The following SZRD1 variants were observed in gnomAD, a reference collection of about 807,000 sequenced individuals.
SZRD1 encodes the protein SUZ RNA binding domain containing 1.
SZRD1 carries 7 observed loss-of-function variants against 17.6 expected under a neutral mutation model. The observed-to-expected ratio is 0.40, with a 90% confidence interval of 0.23 to 0.75. The LOEUF is 0.75. SZRD1 is among the 30% of genes least tolerant of loss of function. The pLI is 0.38. For missense variants in SZRD1, 178 were observed against 201.8 expected (o/e 0.88, Z 0.71); for synonymous variants, 77 against 77.9 (o/e 0.99, Z 0.06).
chr1:16,389,619 G>A (rs1361673120), intron 1 of SZRD1, among the ~76,000 whole-genome samples: 1 of 147,332 alleles, frequency 6.8e-6, no homozygotes, highest in African/African-American at 2.5e-5. Context: ...CCAATTTTTT[G>A]TATTTTTATT....
chr1:16,389,843 C>T (rs551620703), intron 1 of SZRD1, among the ~76,000 whole-genome samples: 15 of 152,380 alleles, frequency 9.8e-5, no homozygotes, highest in African/African-American at 2.6e-4. Context: ...CTCCACACTA[C>T]GGCTGTGGTT....
chr1:16,389,046 G>C (rs2085175991), intron 1 of SZRD1, among the ~76,000 whole-genome samples: 1 of 146,852 alleles, frequency 6.8e-6, no homozygotes, highest in Non-Finnish European at 1.5e-5. Context: ...CTTGAACTTT[G>C]AACTGCACCC....
At chr1:16,377,548 G>T (rs931055876) in intron 1 of SZRD1, among the ~76,000 whole-genome samples, 3 of 133,676 alleles carry the variant, frequency 2.2e-5, no homozygotes, top group African/African-American at 8.3e-5. Context: ...TCATGACAGA[G>T]ACAGACTCTG....
chr1:16,377,315 G>A (rs2083021368), intron 1 of SZRD1, among the ~76,000 whole-genome samples: 1 of 152,124 alleles, frequency 6.6e-6, no homozygotes, highest in Admixed American at 6.6e-5. Context: ...AGCAAGAGTG[G>A]CTTACACCTG....
chr1:16,382,379 G>T (rs1397507917), intron 1 of SZRD1, among the ~76,000 whole-genome samples: 1 of 151,840 alleles, frequency 6.6e-6, no homozygotes, highest in Non-Finnish European at 1.5e-5. Flanking sequence ...GTAGAAATAG[G>T]GTTTCACCAT....
Position 16,393,169 on chromosome 1 carries a change from T to C in SZRD1, c.102-59T>C, listed in dbSNP as rs1198587483. 1.3e-6 allele frequency: 2 copies of C among 1,587,806 alleles called. No homozygotes were observed. Among genetic ancestry groups the C allele is most frequent in the African/African-American group, 2.7e-5 (2 of 74,536 alleles). On this transcript the variant is annotated intron_variant, in intron 2 of 3. Coordinates refer to ENST00000401088, the MANE Select transcript of SZRD1 (RefSeq NM_001114600.3). The surrounding 1 kb of genome is among the most constrained non-coding windows in gnomAD (Gnocchi z 5.6). ...AGTGATGAGAGGTGGGTGTGGGACA[T>C]GGACAGGGCCTCCTTAGTCAGGAGC...
At position 16,395,477 on chromosome 1, in the gene SZRD1, C is replaced by G. The variant is rs2085295887; in HGVS notation, c.*337C>G. The G allele has an allele frequency of 9.3e-6, 3 of 321,384 alleles. No homozygotes were observed. The South Asian group carries it at 1.1e-4, about 12-fold the overall frequency. 19.9% of individuals were successfully genotyped at this position (321,384 alleles called of 1,614,324 possible). ...TTGGCCACTTGGGGTAAAGCCAGTG[C>G]CAGCAATAACAGTTTATCATGCTCA... is the stretch of plus-strand genomic sequence containing the variant. On this transcript the variant is annotated 3_prime_UTR_variant, in exon 4 of 4. Coordinates refer to ENST00000401088, the MANE Select transcript of SZRD1 (RefSeq NM_001114600.3).
At chr1:16,367,878 A>G (rs901328629) in intron 1 of SZRD1, 1 of 152,388 alleles carries the variant, frequency 6.6e-6, no homozygotes, top group African/African-American at 2.4e-5. Flanking sequence ...CTTTTACTCC[A>G]AGAAGAGTTT....
intron 1 of SZRD1, among the ~76,000 whole-genome samples, chr1:16,383,250 A>T: frequency 1.5e-5 from 2 of 135,598 alleles, no homozygotes; most frequent in Admixed American, 8.2e-5. Context: ...GTGGGGCCCC[A>T]CTCTGTCATG....
chr1:16,368,949 G>A (rs2082866044), intron 1 of SZRD1, among the ~76,000 whole-genome samples: 1 of 152,144 alleles, frequency 6.6e-6, no homozygotes. Flanking sequence ...AGCAGAAATT[G>A]GGGCTTACTT....
At chr1:16,371,399 C>T (rs1569992674) in intron 1 of SZRD1, among the ~76,000 whole-genome samples, 1 of 150,536 alleles carries the variant, frequency 6.6e-6, no homozygotes, top group East Asian at 2.0e-4. Context: ...CTCCCCTCCC[C>T]TCCCTCTGCT....
At chr1:16,371,460 T>TC (rs1002057797) in intron 1 of SZRD1, among the ~76,000 whole-genome samples, 3 of 134,660 alleles carry the variant, frequency 2.2e-5, no homozygotes, top group Non-Finnish European at 4.8e-5. Context: ...TTTTTTTTTT[T>TC]CCCCTTTTTT....
intron 1 of SZRD1, among the ~76,000 whole-genome samples, chr1:16,371,628 A>AT (rs1319200716): frequency 1.3e-5 from 2 of 148,918 alleles, no homozygotes; most frequent in East Asian, 2.0e-4. Context: ...CGCCTGGCTA[A>AT]TTTTTTGTAT....
intron 1 of SZRD1, among the ~76,000 whole-genome samples, chr1:16,383,006 C>A (rs1442096864): frequency 6.6e-6 from 1 of 151,968 alleles, no homozygotes; most frequent in Non-Finnish European, 1.5e-5. Flanking sequence ...GCTGGAATTA[C>A]AGGTGCCCGC....
intron 1 of SZRD1, among the ~76,000 whole-genome samples, chr1:16,371,428 C>T (rs113719246): frequency 0.13 from 19,503 of 148,200 alleles, 1,566 homozygotes; most frequent in African/African-American, 0.2. Context: ...TCTGCTCCCC[C>T]CTCTCCCTTC....
chr1:16,397,659 T>C lies in SZRD1; in HGVS notation c.*2519T>C, dbSNP rs2085335079. The C allele has an allele frequency of 6.6e-6, 1 of 152,380 alleles. No individual in the cohort carries two copies. The highest frequency in any genetic ancestry group is 2.4e-5 in the African/African-American group (1 of 41,436). 9.4% of individuals were successfully genotyped at this position (152,380 alleles called of 1,614,324 possible). On this transcript the variant is annotated 3_prime_UTR_variant, in exon 4 of 4. Coordinates refer to ENST00000401088, the MANE Select transcript of SZRD1 (RefSeq NM_001114600.3). The surrounding 1 kb of genome is among the most constrained non-coding windows in gnomAD (Gnocchi z 5.4). ...AACCGCTTCCCATGAGCCACTACTC[T>C]GATGTCAGCCTATAACCAAAGGAGC...
At chr1:16,374,110 T>A (rs778187881) in intron 1 of SZRD1, among the ~76,000 whole-genome samples, 8 of 152,180 alleles carry the variant, frequency 5.3e-5, no homozygotes, top group Non-Finnish European at 1.2e-4. Flanking sequence ...TTTGGGGCTA[T>A]CTGGTGCTGA....
chr1:16,381,450 G>T (rs2083100565), intron 1 of SZRD1, among the ~76,000 whole-genome samples: 1 of 149,740 alleles, frequency 6.7e-6, no homozygotes, highest in Non-Finnish European at 1.5e-5. Context: ...CCAGCTACTT[G>T]GGAGGCTGAG....
chr1:16,382,247 G>A (rs1488792743), intron 1 of SZRD1, among the ~76,000 whole-genome samples: 3 of 150,042 alleles, frequency 2.0e-5, no homozygotes, highest in African/African-American at 4.9e-5. Flanking sequence ...GAGTGCAGTG[G>A]CCCGATCTCA....
Sources: allele counts gnomAD v4.1 joint callset (sites outside exome capture counted in the v4.1 genomes callset), GRCh38; gene constraint gnomAD v4.1.1; non-coding constraint Gnocchi (gnomAD v3.1); transcripts MANE v1.5; gene names NCBI Gene and HGNC (gene_info 2026-07-23, HGNC 2026-07-21).